RNF213: variants seen among roughly 807,000 people sequenced by gnomAD.
RNF213 encodes E3 ubiquitin-protein ligase RNF213.
RNF213 carries 341 observed loss-of-function variants against 514.4 expected under a neutral mutation model. The observed-to-expected ratio is 0.66, with a 90% CI of 0.61 to 0.73. The LOEUF (loss-of-function observed/expected upper bound fraction) is 0.73. RNF213 is among the 30% of genes least tolerant of loss of function. RNF213 has a pLI of 0.00. For missense variants in RNF213, 5,767 were observed against 6,615.6 expected, an observed-to-expected ratio of 0.87 and a Z score of 4.45; for synonymous variants, 2,655 against 2,658.2, an observed-to-expected ratio of 1.00 and a Z score of 0.04.
intron 36 of RNF213, among the ~76,000 whole-genome samples, chr17:80,355,469 C>T (rs75650429): frequency 2.4e-4 from 13 of 53,820 alleles, no homozygotes; most frequent in Non-Finnish European, 3.0e-4. Flanking sequence ...GAGGGGTGAC[C>T]GGGAATGGGG....
Position 80,396,744 on chromosome 17 carries a change from C to CA in RNF213, c.*3246_*3247insA, listed in dbSNP as rs1555683532. The CA allele has an allele frequency of 9.9e-6, 1 of 101,182 alleles. No homozygotes were observed. Among genetic ancestry groups the CA allele is most frequent in the Non-Finnish European group, 2.3e-5 (1 of 43,694 alleles). 6.3% of individuals were successfully genotyped at this position (101,182 alleles called of 1,614,324 possible). A position where few individuals can be genotyped will look rare whatever the true frequency, so the allele number is the denominator to read the frequency against. On this transcript the variant is annotated 3_prime_UTR_variant, in exon 68 of 68. Transcript: ENST00000582970. ...GTGCATTTCCCCCCCACCCCCCCCC[C>CA]CCAACCAGAGCAACTTTGGTCAGAA...
rs758076423 is a variant in RNF213 at position 80,394,471 on chromosome 17, C to T, written c.*973C>T. 2 of 152,268 alleles carry T rather than the reference C, an allele frequency of 1.3e-5. No homozygotes were observed. Among genetic ancestry groups the T allele is most frequent in the South Asian group, 2.1e-4 (1 of 4,822 alleles). The allele number at this position is 152,268 out of a possible 1,614,324, so 9.4% of individuals were successfully genotyped here. A position where few individuals can be genotyped will look rare whatever the true frequency, so the allele number is the denominator to read the frequency against. On this transcript the variant is annotated 3_prime_UTR_variant, in exon 68 of 68. Coordinates refer to ENST00000582970, the MANE Select transcript of RNF213 (RefSeq NM_001256071.3). ...TTTCGGAAAGAGGGAAAAGAGTCCC[C>T]GAGCCCGGATCTTGTGCTGCTTTTC... is the stretch of plus-strand genomic sequence containing the variant.
At position 80,273,227 on chromosome 17, in the gene RNF213, A is replaced by G. The variant is rs753923228; in HGVS notation, c.98-14A>G. ...CTCTCTGAGATCTGACCCTTCCTTC[A>G]TCTGCCGTTACAGATTCTGAGAACA... On this transcript the variant is annotated splice_polypyrimidine_tract_variant and intron_variant, in intron 2 of 67. Coordinates refer to ENST00000582970, the MANE Select transcript of RNF213 (RefSeq NM_001256071.3). The G allele has an allele frequency of 4.3e-6, 7 of 1,613,094 alleles. No homozygotes were observed. The highest frequency in any genetic ancestry group is 3.3e-5 in the Admixed American group (2 of 59,968).
Position 80,395,422 on chromosome 17 carries a change from T to C in RNF213, c.*1924T>C, listed in dbSNP as rs1645062530. Reference sequence around the variant, plus strand: ...ATGTCCTTTAGAAGCACCCATGAAGTAGTGTGTTCAGACTGTGCACACAGA... The same window carrying C: ...ATGTCCTTTAGAAGCACCCATGAAGCAGTGTGTTCAGACTGTGCACACAGA... On this transcript the variant is annotated 3_prime_UTR_variant, in exon 68 of 68. Transcript: ENST00000582970. The C allele has an allele frequency of 6.6e-6, 1 of 152,202 alleles. No homozygotes were observed. 9.4% of individuals were successfully genotyped at this position (152,202 alleles called of 1,614,324 possible).
chr17:80,368,181 T>TC, intron 44 of RNF213, 38 bp downstream of exon 44: 1 of 1,607,132 alleles, frequency 6.2e-7, no homozygotes, highest in Admixed American at 1.7e-5. Context: ...ATCCTTTTTT[T>TC]CATTTTCCTT....
intron 15 of RNF213, chr17:80,315,714 G>A (rs111218701): frequency 0.14 from 12,393 of 86,682 alleles, 4 homozygotes; most frequent in South Asian, 0.21. Flanking sequence ...TAATGGAAGT[G>A]ATGGTGGAGG....
Position 80,263,514 on chromosome 17 carries a change from T to A in RNF213, c.-108-60T>A. The A allele has an allele frequency of 1.5e-6, 1 of 669,982 alleles. No individual in the cohort carries two copies. Among genetic ancestry groups the A allele is most frequent in the Non-Finnish European group, 2.8e-6 (1 of 363,242 alleles). The allele number at this position is 669,982 out of a possible 1,614,324, so 41.5% of individuals were successfully genotyped here. A position where few individuals can be genotyped will look rare whatever the true frequency, so the allele number is the denominator to read the frequency against. On this transcript the variant is annotated intron_variant, in intron 1 of 67. Transcript: ENST00000582970. This position sits in a 1 kb window ranked among gnomAD's most constrained non-coding sequence, Gnocchi z 4.9. ...GGGAGGGGCTGGGCTTGGGCTGTGC[T>A]CCTGTTGGGTTTCCATTAACCAGGG...
chr17:80,374,976 ATGTG>A, intron 50 of RNF213: 1 of 261,874 alleles, frequency 3.8e-6, no homozygotes, highest in South Asian at 4.5e-5. Context: ...TCAGATATGC[ATGTG>A]TGTTTAATAA....
intron 39 of RNF213, among the ~76,000 whole-genome samples, chr17:80,362,220 G>GTT: frequency 6.6e-6 from 1 of 152,118 alleles, no homozygotes; most frequent in Admixed American, 6.5e-5. Context: ...TACAGGGTAA[G>GTT]AATAAACAAG....
intron 3 of RNF213, among the ~76,000 whole-genome samples, chr17:80,273,872 G>A (rs925984774): frequency 6.6e-6 from 1 of 151,828 alleles, no homozygotes; most frequent in Non-Finnish European, 1.5e-5. Flanking sequence ...CACCCACCTC[G>A]GCCTCCCAAA....
intron 3 of RNF213, among the ~76,000 whole-genome samples, chr17:80,286,688 G>A (rs2044484313): frequency 1.3e-5 from 2 of 152,116 alleles, no homozygotes; most frequent in African/African-American, 4.8e-5. Context: ...CAGGAGGTGG[G>A]GGGCGTGGAG....
rs1195831747 is a variant in RNF213 at position 80,354,035 on chromosome 17, C to G, written c.10595C>G (p.Thr3532Ser). 1.2e-6 allele frequency: 2 copies of G among 1,613,770 alleles called. No individual in the cohort carries two copies. The highest frequency in any genetic ancestry group is 2.7e-5 in the African/African-American group (2 of 74,928). Reference sequence around the variant, plus strand: ...CACCAACAGGTGTCGATCCTGGACACCACCAGGCTGCTGAGAAGCTGTGTG... The same window carrying G: ...CACCAACAGGTGTCGATCCTGGACAGCACCAGGCTGCTGAGAAGCTGTGTG... Reference protein sequence around the residue: ...LGGSDVSILDTTRLLRSCVQS... With the variant: ...LGGSDVSILDSTRLLRSCVQS... Residue 3532 changes from threonine (T) to serine (S), a missense_variant, in exon 35 of 68, where the codon ACC (threonine) becomes AGC (serine). By Grantham distance (58) the Thr-to-Ser change is moderately conservative. Around this residue, in one of 13 missense-constraint regions of RNF213, gnomAD observed 919 missense variants for 1,121.0 expected, o/e 0.82. Coordinates refer to ENST00000582970, the MANE Select transcript of RNF213 (RefSeq NM_001256071.3).
chr17:80,278,033 G>A (rs1478015723), intron 3 of RNF213, among the ~76,000 whole-genome samples: 1 of 152,264 alleles, frequency 6.6e-6, no homozygotes, highest in African/African-American at 2.4e-5. Context: ...GCTGGTTGCT[G>A]ACTAACAGGG....
chr17:80,352,833 T>G, intron 32 of RNF213, 107 bp from the exon 33 acceptor site: 2 of 1,558,244 alleles, frequency 1.3e-6, no homozygotes, highest in Non-Finnish European at 1.8e-6. Flanking sequence ...AGTCATTCAT[T>G]GCGCAGCAAG....
At chr17:80,379,831 C>A (rs1299927699) in intron 55 of RNF213, 117 bp downstream of exon 55, 3 of 843,656 alleles carry the variant, frequency 3.6e-6, no homozygotes, top group African/African-American at 1.7e-5. Context: ...TACATGTGGG[C>A]CTGTGTCATA....
chr17:80,308,920 G>C (rs2045467754), intron 13 of RNF213, 98 bp from the exon 14 acceptor site: 1 of 1,422,112 alleles, frequency 7.0e-7, no homozygotes, highest in Admixed American at 1.7e-5. Flanking sequence ...TGCCCTGTTG[G>C]TAGTTATTTT....
At chr17:80,355,442 C>G (rs7209771) in intron 36 of RNF213, among the ~76,000 whole-genome samples, 292 of 12,272 alleles carry the variant, frequency 0.024, 4 homozygotes, top group African/African-American at 0.031. Flanking sequence ...GGATGGGAAT[C>G]GGGGCTCACG....
intron 3 of RNF213, among the ~76,000 whole-genome samples, chr17:80,284,078 G>C (rs113077984): frequency 6.6e-6 from 1 of 151,064 alleles, no homozygotes; most frequent in Non-Finnish European, 1.5e-5. Context: ...TGAAAATTAC[G>C]GCCGGGCACA....
At chr17:80,261,069 G>C (rs1003707737) in intron 1 of RNF213, among the ~76,000 whole-genome samples, 167 bp downstream of exon 1, 3 of 151,920 alleles carry the variant, frequency 2.0e-5, no homozygotes, top group African/African-American at 7.2e-5. Context: ...CGGGGTGCCC[G>C]GTCCAGCCCC....
Sources: gnomAD v4.1 joint callset for allele counts (sites outside exome capture counted in the v4.1 genomes callset) on GRCh38, gnomAD v4.1.1 for gene constraint, gnomAD v4.1.1 regional missense constraint, Gnocchi (gnomAD v3.1) non-coding constraint, MANE v1.5 for transcripts, NCBI Gene and HGNC (gene_info 2026-07-23, HGNC 2026-07-21) for gene names.